The following COL4A3 variants were observed in gnomAD, a reference collection of about 807,000 sequenced individuals.
The protein encoded by COL4A3 is collagen type IV alpha 3 chain.
Under a neutral mutation model 217.4 loss-of-function variants are expected in COL4A3, and 135 were observed. That is an observed-to-expected ratio of 0.62 (90% CI 0.54 to 0.72). The LOEUF (loss-of-function observed/expected upper bound fraction) is 0.72. Ranked by LOEUF, COL4A3 falls within the 30% of genes least tolerant of loss-of-function variation. The pLI is 0.00. For synonymous variants in COL4A3, 690 were observed against 736.3 expected (o/e 0.94, Z 1.02); for missense variants, 1,868 against 2,119.9 (o/e 0.88, Z 2.33).
intron 23 of COL4A3, 47 bp from the exon 24 acceptor site, chr2:227,269,863 G>C (rs1168516455): frequency 1.3e-6 from 2 of 1,496,408 alleles, no homozygotes; most frequent in Non-Finnish European, 1.9e-6. Context: ...TGTCTACTTA[G>C]AGTTGGCGTT....
chr2:227,263,071 C>G (rs936709154), intron 20 of COL4A3, among the ~76,000 whole-genome samples: 1 of 151,460 alleles, frequency 6.6e-6, no homozygotes, highest in African/African-American at 2.4e-5. Flanking sequence ...TAGTACAAAT[C>G]TAATATGCCA....
chr2:227,310,248 C>G (rs973064710), intron 50 of COL4A3, among the ~76,000 whole-genome samples: 1 of 152,106 alleles, frequency 6.6e-6, no homozygotes, highest in Non-Finnish European at 1.5e-5. Context: ...CATAGCTGCA[C>G]GCAGGTGGTT....
chr2:227,208,487 A>T (rs2067185164), intron 1 of COL4A3, among the ~76,000 whole-genome samples: 1 of 152,008 alleles, frequency 6.6e-6, no homozygotes, highest in Non-Finnish European at 1.5e-5. Context: ...TGCACTCAGG[A>T]ACAGAAGACA....
At chr2:227,197,679 TC>T (rs2066534296) in intron 1 of COL4A3, among the ~76,000 whole-genome samples, 1 of 152,160 alleles carries the variant, frequency 6.6e-6, no homozygotes, top group African/African-American at 2.4e-5. Flanking sequence ...TGGGAAAACT[TC>T]CAGTCATTTC....
chr2:227,237,250 T>C (rs192602427), intron 1 of COL4A3, among the ~76,000 whole-genome samples: 18 of 152,360 alleles, frequency 1.2e-4, no homozygotes, highest in African/African-American at 3.8e-4. Context: ...AGTTAGTTTG[T>C]TCTCTTTAAA....
At chr2:227,272,197 G>A (rs565201651) in intron 25 of COL4A3, among the ~76,000 whole-genome samples, 150 of 152,272 alleles carry the variant, frequency 9.9e-4, no homozygotes, top group African/African-American at 3.6e-3. Context: ...CTAATATTAA[G>A]AGAATTTGTA....
intron 1 of COL4A3, among the ~76,000 whole-genome samples, chr2:227,187,573 G>A (rs183034344): frequency 6.6e-6 from 1 of 152,284 alleles, no homozygotes; most frequent in East Asian, 1.9e-4. Flanking sequence ...TGGATAAATA[G>A]GAAGTTAGTT....
intron 1 of COL4A3, among the ~76,000 whole-genome samples, chr2:227,166,390 G>T (rs185806071): frequency 1.3e-5 from 2 of 148,156 alleles, no homozygotes; most frequent in East Asian, 3.9e-4. Flanking sequence ...TGTGTGTTGT[G>T]GGGAAGCCTG....
At chr2:227,234,555 T>A (rs1247698538) in intron 1 of COL4A3, among the ~76,000 whole-genome samples, 1 of 152,200 alleles carries the variant, frequency 6.6e-6, no homozygotes, top group African/African-American at 2.4e-5. Context: ...CACTGATTCA[T>A]CCAGTCAATC....
At position 227,248,268 on chromosome 2, in the gene COL4A3, T is replaced by A. The variant is rs1316617588; in HGVS notation, c.469-175T>A. Reference sequence around the variant, plus strand: ...TGTAAATTTTTGATTTTAGAAAATATGAAAATGCTTTGAATTCTTCATAAT... The same window carrying A: ...TGTAAATTTTTGATTTTAGAAAATAAGAAAATGCTTTGAATTCTTCATAAT... On this transcript the variant is annotated intron_variant, in intron 8 of 51. Transcript: ENST00000396578. 6.4e-6 allele frequency: 4 copies of A among 624,138 alleles called. No individual in the cohort carries two copies. The Admixed American group carries it at 9.1e-5, about 14-fold the overall frequency. The allele number at this position is 624,138 out of a possible 1,614,324, so 38.7% of individuals were successfully genotyped here.
intron 40 of COL4A3, 50 bp from the exon 41 acceptor site, chr2:227,295,219 A>T (rs1300999150): frequency 6.3e-7 from 1 of 1,582,420 alleles, no homozygotes; most frequent in Non-Finnish European, 8.7e-7. Context: ...ATAGACATAT[A>T]ATGTAATGAA....
rs753032877 is a variant in COL4A3, at chr2:227,311,867, C to A, written c.5010C>A (p.His1670Gln). The A allele has an allele frequency of 1.9e-6, 3 of 1,613,562 alleles. No individual in the cohort carries two copies. In the Admixed American group the frequency reaches 5.0e-5, roughly 27 times the overall value. ...SRCQVCMKKRH is the reference protein window; with the variant it reads ...SRCQVCMKKRQ ...GTCAGGTGTGCATGAAGAAAAGACA[C>A]TGAAGCTAAAAAAGACAGCAGAACT... Residue 1670 changes from histidine to glutamine, a missense_variant, in exon 52 of 52, where the codon CAC becomes CAA. Coordinates refer to ENST00000396578, the MANE Select transcript of COL4A3 (RefSeq NM_000091.5).
chr2:227,276,854 C>T (rs1408766169), intron 27 of COL4A3, among the ~76,000 whole-genome samples: 1 of 152,198 alleles, frequency 6.6e-6, no homozygotes, highest in African/African-American at 2.4e-5. Context: ...TCTTTGCCAA[C>T]GTGATCTAAA....
Position 227,164,671 on chromosome 2 carries a change from T to A in COL4A3, c.-56T>A. 1 of 1,527,820 alleles carries A rather than the reference T, an allele frequency of 6.5e-7. No homozygotes were observed. Among genetic ancestry groups the A allele is most frequent in the South Asian group, 1.2e-5 (1 of 83,658 alleles). 94.6% of individuals were successfully genotyped at this position (1,527,820 alleles called of 1,614,324 possible). A position where few individuals can be genotyped will look rare whatever the true frequency, so the allele number is the denominator to read the frequency against. On this transcript the variant is annotated 5_prime_UTR_variant, in exon 1 of 52. Coordinates refer to ENST00000396578, the MANE Select transcript of COL4A3 (RefSeq NM_000091.5). The surrounding 1 kb of genome is among the most constrained non-coding windows in gnomAD (Gnocchi z 4.8). The stretch of plus-strand genomic sequence containing the variant: ...GAGCCGCGCTGCGCAGGAGACGCGG[T>A]GGCCTGAGAGCCTGAGGGTCCCCGG...
intron 1 of COL4A3, 151 bp from the exon 2 acceptor site, chr2:227,237,817 T>C: frequency 1.5e-6 from 1 of 676,778 alleles, no homozygotes; most frequent in South Asian, 1.4e-5. Flanking sequence ...TATTGATATA[T>C]TTCTATTGAT....
At chr2:227,167,465 G>GTT (rs1463526524) in intron 1 of COL4A3, among the ~76,000 whole-genome samples, 1 of 152,234 alleles carries the variant, frequency 6.6e-6, no homozygotes, top group African/African-American at 2.4e-5. Context: ...GCACCTTGTT[G>GTT]TTGTCTCAGG....
intron 1 of COL4A3, among the ~76,000 whole-genome samples, chr2:227,218,423 G>A (rs2067621599): frequency 6.6e-6 from 1 of 152,058 alleles, no homozygotes; most frequent in African/African-American, 2.4e-5. Flanking sequence ...TGGAGATTGT[G>A]CCACTGCACT....
At chr2:227,202,761 A>C (rs1197088626) in intron 1 of COL4A3, among the ~76,000 whole-genome samples, 1 of 137,708 alleles carries the variant, frequency 7.3e-6, no homozygotes, top group East Asian at 2.0e-4. Flanking sequence ...ATATATATAT[A>C]TATATATATA....
chr2:227,258,444 T>C (rs1408592093), intron 18 of COL4A3, among the ~76,000 whole-genome samples: 1 of 152,220 alleles, frequency 6.6e-6, no homozygotes, highest in Non-Finnish European at 1.5e-5. Context: ...GTCTGTTCTT[T>C]GCTGCTACAA....
Sources: gnomAD v4.1 joint callset for allele counts (sites outside exome capture counted in the v4.1 genomes callset) on GRCh38, gnomAD v4.1.1 for gene constraint, Gnocchi (gnomAD v3.1) non-coding constraint, MANE v1.5 for transcripts, NCBI Gene and HGNC (gene_info 2026-07-23, HGNC 2026-07-21) for gene names.